The following GRID2 variants were observed in gnomAD, a reference collection of about 807,000 sequenced individuals.
GRID2 encodes the protein glutamate receptor ionotropic, delta-2.
In GRID2, 33 loss-of-function variants were observed where a neutral mutation model predicts 114.8. That is an observed-to-expected ratio of 0.29 (90% CI 0.22 to 0.38). GRID2 has a LOEUF of 0.38. Among genes scored for constraint, GRID2 ranks in the 10% least tolerant of loss-of-function variants. GRID2 has a pLI of 1.00. For synonymous variants in GRID2, 505 were observed against 449.9 expected (o/e 1.12, Z -1.55); for missense variants, 1,184 against 1,257.7 (o/e 0.94, Z 0.89).
At chr4:92,874,779 A>C (rs536709879) in intron 2 of GRID2, among the ~76,000 whole-genome samples, 2 of 152,324 alleles carry the variant, frequency 1.3e-5, no homozygotes, top group South Asian at 4.1e-4. Context: ...TCTAATTAAA[A>C]TTGTTGTCAA....
intron 1 of GRID2, among the ~76,000 whole-genome samples, chr4:92,490,428 T>C (rs1579456690): frequency 6.6e-6 from 1 of 152,188 alleles, no homozygotes; most frequent in Non-Finnish European, 1.5e-5. Context: ...CTGATCAGTT[T>C]AGTGTATTTA....
intron 13 of GRID2, among the ~76,000 whole-genome samples, chr4:93,597,253 T>C (rs186756893): frequency 2.0e-5 from 3 of 152,346 alleles, no homozygotes; most frequent in East Asian, 1.9e-4. Flanking sequence ...TAATTTACTT[T>C]GTTGAGTCTT....
At chr4:93,373,213 T>C (rs1763088104) in intron 8 of GRID2, among the ~76,000 whole-genome samples, 1 of 152,174 alleles carries the variant, frequency 6.6e-6, no homozygotes, top group African/African-American at 2.4e-5. Flanking sequence ...CTCTTAAATA[T>C]ATGTTTTTGC....
At chr4:93,255,121 A>T (rs1485686692) in intron 8 of GRID2, among the ~76,000 whole-genome samples, 2 of 152,180 alleles carry the variant, frequency 1.3e-5, no homozygotes, top group African/African-American at 4.8e-5. Flanking sequence ...TACTTTAAAA[A>T]ATAAATACGT....
chr4:93,463,508 C>T (rs1343030564), intron 11 of GRID2, among the ~76,000 whole-genome samples: 3 of 152,150 alleles, frequency 2.0e-5, no homozygotes, highest in African/African-American at 7.2e-5. Context: ...CATATTTCTA[C>T]TTATAAAACA....
chr4:92,893,688 T>C (rs1486928698), intron 2 of GRID2, among the ~76,000 whole-genome samples: 1 of 152,136 alleles, frequency 6.6e-6, no homozygotes, highest in Non-Finnish European at 1.5e-5. Context: ...TTAAAAGATT[T>C]CCTACTGTGC....
At chr4:92,689,331 G>A (rs146089430) in intron 2 of GRID2, among the ~76,000 whole-genome samples, 33 of 152,238 alleles carry the variant, frequency 2.2e-4, no homozygotes, top group African/African-American at 6.0e-4. Context: ...CCTAGATGGC[G>A]TCTTCTTCCA....
chr4:92,842,324 C>T (rs35007739), intron 2 of GRID2, among the ~76,000 whole-genome samples: 184 of 152,216 alleles, frequency 1.2e-3, no homozygotes, highest in Non-Finnish European at 2.2e-3. Flanking sequence ...CTGCAATGCT[C>T]ACCATCTACT....
At chr4:93,290,872 CTTT>C (rs56735687) in intron 8 of GRID2, among the ~76,000 whole-genome samples, 9 of 88,530 alleles carry the variant, frequency 1.0e-4, no homozygotes, top group Admixed American at 6.6e-4. Flanking sequence ...ATACAAGTTA[CTTT>C]TTTTTTTTTT....
At chr4:92,349,536 C>A (rs931172975) in intron 1 of GRID2, among the ~76,000 whole-genome samples, 28 of 151,250 alleles carry the variant, frequency 1.9e-4, no homozygotes, top group Admixed American at 4.6e-4. Context: ...CAAGATTTTA[C>A]TTTTATTTAA....
At chr4:92,595,141 C>T (rs904579761) in intron 2 of GRID2, among the ~76,000 whole-genome samples, 2 of 151,712 alleles carry the variant, frequency 1.3e-5, no homozygotes, top group African/African-American at 2.4e-5. Context: ...TAAGCTGCAT[C>T]GTGAATATAA....
chr4:92,595,450 A>T (rs1392740326), intron 2 of GRID2, among the ~76,000 whole-genome samples: 1 of 151,932 alleles, frequency 6.6e-6, no homozygotes, highest in Non-Finnish European at 1.5e-5. Flanking sequence ...AATATATATA[A>T]AAAAGTTGTA....
intron 14 of GRID2, among the ~76,000 whole-genome samples, chr4:93,644,922 A>G (rs1721971876): frequency 6.6e-6 from 1 of 152,174 alleles, no homozygotes; most frequent in Non-Finnish European, 1.5e-5. Context: ...ACTAGACGAG[A>G]GAGTACCACA....
chr4:92,574,642 C>T (rs1048007040), intron 1 of GRID2, among the ~76,000 whole-genome samples: 62 of 152,130 alleles, frequency 4.1e-4, no homozygotes, highest in African/African-American at 1.4e-3. Flanking sequence ...TAAAATGTTA[C>T]ATTTTGCCCT....
At chr4:92,750,011 G>A (rs1300830510) in intron 2 of GRID2, among the ~76,000 whole-genome samples, 2 of 151,996 alleles carry the variant, frequency 1.3e-5, no homozygotes, top group East Asian at 1.9e-4. Context: ...ACAGGCATAC[G>A]CCACCAAGCC....
intron 10 of GRID2, among the ~76,000 whole-genome samples, chr4:93,440,192 C>CAA (rs1270487537): frequency 1.3e-5 from 2 of 152,038 alleles, no homozygotes; most frequent in African/African-American, 4.8e-5. Context: ...TACATATTTT[C>CAA]ATTACTGCAA....
chr4:92,704,814 C>T (rs1463787328), intron 2 of GRID2, among the ~76,000 whole-genome samples: 1 of 133,276 alleles, frequency 7.5e-6, no homozygotes, highest in Non-Finnish European at 1.6e-5. Context: ...TCCCTCTTTT[C>T]TCCCTGCCTT....
chr4:93,021,577 A>C (rs1723322700), intron 2 of GRID2, among the ~76,000 whole-genome samples: 1 of 145,846 alleles, frequency 6.9e-6, no homozygotes, highest in Non-Finnish European at 1.5e-5. Context: ...AATAATATAT[A>C]TTATATAATT....
At chr4:93,271,400 C>G (rs1353383418) in intron 8 of GRID2, among the ~76,000 whole-genome samples, 1 of 152,110 alleles carries the variant, frequency 6.6e-6, no homozygotes, top group African/African-American at 2.4e-5. Flanking sequence ...CCTCTTCTGC[C>G]TTTCTGTGCT....
Sources: allele counts gnomAD v4.1 joint callset (sites outside exome capture counted in the v4.1 genomes callset), GRCh38; gene constraint gnomAD v4.1.1; transcripts MANE v1.5; gene names NCBI Gene and HGNC (gene_info 2026-07-23, HGNC 2026-07-21).